UBXN7: variants seen among roughly 807,000 people sequenced by gnomAD.
The protein encoded by UBXN7 is UBX domain-containing protein 7.
UBXN7 carries 9 observed loss-of-function variants against 58.0 expected under a neutral mutation model. That is an observed-to-expected ratio of 0.16 (90% CI 0.09 to 0.27). The LOEUF (loss-of-function observed/expected upper bound fraction) is 0.27, where lower values mean the gene tolerates loss of function less well. UBXN7 is among the 10% of genes least tolerant of loss of function. UBXN7 has a pLI of 1.00. For missense variants in UBXN7, 328 were observed against 599.6 expected (o/e 0.55, Z 4.73); for synonymous variants, 208 against 205.0 (o/e 1.01, Z -0.12).
chr3:196,377,501 G>C (rs1729065835), intron 5 of UBXN7, among the ~76,000 whole-genome samples: 1 of 152,016 alleles, frequency 6.6e-6, no homozygotes, highest in Admixed American at 6.6e-5. Flanking sequence ...AATCAATCTG[G>C]CTTTCAATTT....
chr3:196,375,341 G>C (rs1488544854), intron 5 of UBXN7, among the ~76,000 whole-genome samples: 1 of 141,438 alleles, frequency 7.1e-6, no homozygotes, highest in African/African-American at 2.6e-5. Flanking sequence ...CAGTAGTCTG[G>C]AGCAGTGGCT....
chr3:196,404,807 A>G (rs1394435691), intron 2 of UBXN7, among the ~76,000 whole-genome samples: 1 of 152,176 alleles, frequency 6.6e-6, no homozygotes, highest in Non-Finnish European at 1.5e-5. Flanking sequence ...CGATAATCTG[A>G]AGAAACAGAC....
At chr3:196,361,139 G>A (rs1329828389) in intron 10 of UBXN7, among the ~76,000 whole-genome samples, 2 of 152,176 alleles carry the variant, frequency 1.3e-5, no homozygotes, top group Non-Finnish European at 2.9e-5. Flanking sequence ...CAACCCTCAT[G>A]GATGACTTTG....
chr3:196,390,383 C>T (rs909688018), intron 5 of UBXN7, among the ~76,000 whole-genome samples: 2 of 152,040 alleles, frequency 1.3e-5, no homozygotes, highest in African/African-American at 4.8e-5. Context: ...GTTTGGGGCA[C>T]CTGTTGGGCT....
intron 5 of UBXN7, 61 bp from the exon 6 acceptor site, chr3:196,372,103 G>A (rs1230768744): frequency 2.1e-5 from 32 of 1,518,710 alleles, no homozygotes; most frequent in Non-Finnish European, 2.6e-5. Flanking sequence ...AGATGTTTCC[G>A]TAGTTGTTCA....
chr3:196,395,759 GAATT>G (rs1348810043), intron 3 of UBXN7, among the ~76,000 whole-genome samples: 2 of 151,528 alleles, frequency 1.3e-5, no homozygotes, highest in African/African-American at 2.4e-5. Flanking sequence ...TGCCCAGCCT[GAATT>G]AATTAATTTA....
At chr3:196,393,265 GTTTAT>G (rs1295923448) in intron 4 of UBXN7, among the ~76,000 whole-genome samples, 3 of 152,098 alleles carry the variant, frequency 2.0e-5, no homozygotes, top group African/African-American at 7.2e-5. Flanking sequence ...AGGGAAATCA[GTTTAT>G]TTTATTATAG....
In UBXN7 at chr3:196,407,230, C is replaced by T. The variant is rs766532509; in HGVS notation, c.221+16G>A. On this transcript the variant is annotated intron_variant, in intron 2 of 10. Transcript: ENST00000296328. Reference sequence around the variant, plus strand: ...AGGCAATGGATAGCTCCTGACAACACATAATAAATTCATACTCTGTGTGTG... The same window carrying T: ...AGGCAATGGATAGCTCCTGACAACATATAATAAATTCATACTCTGTGTGTG... The T allele has an allele frequency of 2.5e-6, 4 of 1,612,156 alleles. No homozygotes were observed. In the Admixed American group the frequency reaches 6.7e-5, roughly 27 times the overall value.
chr3:196,414,782 A>G (rs1460483257), intron 1 of UBXN7: 1 of 152,040 alleles, frequency 6.6e-6, no homozygotes, highest in East Asian at 1.9e-4. Flanking sequence ...AGCTCACTCA[A>G]CTAGCGCAGA....
intron 1 of UBXN7, among the ~76,000 whole-genome samples, chr3:196,420,139 C>A (rs1441160441): frequency 6.6e-6 from 1 of 152,248 alleles, no homozygotes; most frequent in Non-Finnish European, 1.5e-5. Flanking sequence ...GGACTTCTAT[C>A]TTACTACAGT....
In UBXN7 at chr3:196,355,653, C is replaced by T. The variant is rs1728325229; in HGVS notation, c.*1032G>A. On this transcript the variant is annotated 3_prime_UTR_variant, in exon 11 of 11. Transcript: ENST00000296328. Reference sequence around the variant, plus strand: ...GCAAAAAATGAACCATTATTTCTAACCAAAAGAACATGGTTAGCAACTCTC... The same window carrying T: ...GCAAAAAATGAACCATTATTTCTAATCAAAAGAACATGGTTAGCAACTCTC... The T allele has an allele frequency of 6.6e-6, 1 of 152,194 alleles. No homozygotes were observed. Among genetic ancestry groups the T allele is most frequent in the African/African-American group, 2.4e-5 (1 of 41,436 alleles). The allele number at this position is 152,194 out of a possible 1,614,324, so 9.4% of individuals were successfully genotyped here.
rs556503383 is a variant in UBXN7 at position 196,348,802 on chromosome 3, T to A, written c.*7883A>T. 6.6e-6 allele frequency: 1 copy of A among 152,084 alleles called. No individual in the cohort carries two copies. Among genetic ancestry groups the A allele is most frequent in the Admixed American group, 6.5e-5 (1 of 15,274 alleles). The allele number at this position is 152,084 out of a possible 1,614,324, so 9.4% of individuals were successfully genotyped here. A position where few individuals can be genotyped will look rare whatever the true frequency, so the allele number is the denominator to read the frequency against. ...ACATGCCAGAACTGGACATCCCAGG[T>A]GACTTCAAATGCATTGTTCAAGCCG... On this transcript the variant is annotated 3_prime_UTR_variant, in exon 11 of 11. Transcript: ENST00000296328.
At position 196,356,808 on chromosome 3, in the gene UBXN7, A is replaced by T. The variant is rs756670898; in HGVS notation, c.1347T>A (p.Asn449Lys). 4 of 1,613,832 alleles carry T rather than the reference A, an allele frequency of 2.5e-6. No individual in the cohort carries two copies. The highest frequency in any genetic ancestry group is 3.4e-6 in the Non-Finnish European group (4 of 1,179,950). ...AGTTGGTGAGAAGTTCAAAACGTTCATTTGGGTATCCTTTAGACTGCACGT... is the reference window on the plus strand; with the variant it reads ...AGTTGGTGAGAAGTTCAAAACGTTCTTTTGGGTATCCTTTAGACTGCACGT... Reference protein sequence around the residue: ...VKHVQSKGYPNERFELLTNFP... With the variant: ...VKHVQSKGYPKERFELLTNFP... The change falls in exon 11 of 11, where the codon AAT becomes AAA. Residue 449 changes from asparagine to lysine, a missense_variant. Around this residue, in one of 4 missense-constraint regions of UBXN7, gnomAD observed 30 missense variants for 94.8 expected, o/e 0.32. Transcript: ENST00000296328.
At chr3:196,411,390 T>C (rs1465406858) in intron 1 of UBXN7, among the ~76,000 whole-genome samples, 1 of 152,262 alleles carries the variant, frequency 6.6e-6, no homozygotes, top group South Asian at 2.1e-4. Context: ...ACTTTGTGCA[T>C]ATACTTATGT....
At chr3:196,361,983 T>C in intron 9 of UBXN7, 60 bp from the exon 10 acceptor site, 2 of 1,443,136 alleles carry the variant, frequency 1.4e-6, no homozygotes, top group South Asian at 2.4e-5. Flanking sequence ...GACAGAATAT[T>C]AGTTTAAATA....
chr3:196,378,475 A>C (rs924391445), intron 5 of UBXN7, among the ~76,000 whole-genome samples: 4 of 152,178 alleles, frequency 2.6e-5, no homozygotes, highest in African/African-American at 9.7e-5. Flanking sequence ...TAAAGGAATA[A>C]AGTATGGCTA....
chr3:196,372,172 T>A, intron 5 of UBXN7, 130 bp from the exon 6 acceptor site: 2 of 984,848 alleles, frequency 2.0e-6, no homozygotes, highest in Non-Finnish European at 2.9e-6. Flanking sequence ...ATCTAGAGTT[T>A]TCAGCATTTA....
At position 196,401,248 on chromosome 3, in the gene UBXN7, CAAAAAAAAAA is replaced by C. The variant is rs35766312; in HGVS notation, c.289+1694_289+1703del. ...CTAACATGGAGAAACCCCGTCTCTCCAAAAAAAAAAAAAAAAAAAAAAAAAAATATATATA... is the reference window on the plus strand; with the variant it reads ...CTAACATGGAGAAACCCCGTCTCTCCAAAAAAAAAAAAAAAAATATATATA... On this transcript the variant is annotated intron_variant, in intron 3 of 10. Coordinates refer to ENST00000296328, the MANE Select transcript of UBXN7 (RefSeq NM_015562.2). 3.1e-3 allele frequency among the ~76,000 whole-genome samples: 7 copies of C among 2,272 alleles called. No homozygotes were observed. The East Asian group carries it at 0.043, about 14-fold the overall frequency. 1.5% of individuals were successfully genotyped at this position (2,272 alleles called of 152,430 possible).
rs1455195893 is a variant in UBXN7 at position 196,354,242 on chromosome 3, T to C, written c.*2443A>G. 3 of 152,170 alleles carry C rather than the reference T, an allele frequency of 2.0e-5. No homozygotes were observed. The highest frequency in any genetic ancestry group is 2.0e-4 in the Admixed American group (3 of 15,266). 9.4% of individuals were successfully genotyped at this position (152,170 alleles called of 1,614,324 possible). On this transcript the variant is annotated 3_prime_UTR_variant, in exon 11 of 11. Coordinates refer to ENST00000296328, the MANE Select transcript of UBXN7 (RefSeq NM_015562.2). Reference sequence around the variant, plus strand: ...TGAAAGTACCATGCTGTCTTTTAAATCACTTTATATCTACTTAATCATCCC... The same window carrying C: ...TGAAAGTACCATGCTGTCTTTTAAACCACTTTATATCTACTTAATCATCCC...
Sources: allele counts gnomAD v4.1 joint callset (sites outside exome capture counted in the v4.1 genomes callset), GRCh38; gene constraint gnomAD v4.1.1; regional missense constraint gnomAD v4.1.1; transcripts MANE v1.5; gene names NCBI Gene and HGNC (gene_info 2026-07-23, HGNC 2026-07-21).